Variants in GHRH observed in about 807,000 individuals in gnomAD.
GHRH encodes the protein growth hormone releasing hormone.
GHRH carries 7 observed loss-of-function variants against 15.6 expected under a neutral mutation model. That is an observed-to-expected ratio of 0.45 (90% CI 0.26 to 0.84). The LOEUF (loss-of-function observed/expected upper bound fraction) is 0.84, where lower values mean the gene tolerates loss of function less well. Among genes scored for constraint, GHRH ranks in the 40% least tolerant of loss-of-function variants. The probability of loss-of-function intolerance (pLI) is 0.18; values close to 1 mark genes in which losing one functional copy is unlikely to be tolerated. For synonymous variants in GHRH, 54 were observed against 50.4 expected (o/e 1.07, Z -0.30); for missense variants, 117 against 138.0 (o/e 0.85, Z 0.76).
chr20:37,254,046 G>A (rs982824517), intron 4 of GHRH, among the ~76,000 whole-genome samples, 164 bp downstream of exon 4: 2 of 152,194 alleles, frequency 1.3e-5, no homozygotes, highest in South Asian at 4.1e-4. Context: ...ACCATACCCA[G>A]CCACTCTCCT....
chr20:37,251,349 A>G (rs1056679612), intron 4 of GHRH, 118 bp from the exon 5 acceptor site: 9 of 762,630 alleles, frequency 1.2e-5, no homozygotes, highest in Non-Finnish European at 6.4e-6. Flanking sequence ...TTGGATTCCA[A>G]AAGAGGCAGT....
Position 37,260,803 on chromosome 20 carries a change from C to T in GHRH, c.-20+940G>A, listed in dbSNP as rs571549785. Among the ~76,000 whole-genome samples the T allele has an allele frequency of 4.2e-4, 64 of 152,266 alleles. 2 individuals carry two copies. The South Asian group carries it at 0.013, about 31-fold the overall frequency. ...AGATGTACTTGAGATTGCCTGGATT[C>T]AGGATAAACGGGCACTTGATCTACA... On this transcript the variant is annotated intron_variant, in intron 1 of 4. Coordinates refer to ENST00000373614, the MANE Select transcript of GHRH (RefSeq NM_021081.6).
intron 4 of GHRH, among the ~76,000 whole-genome samples, chr20:37,252,540 G>A (rs965249149): frequency 6.6e-6 from 1 of 152,204 alleles, no homozygotes; most frequent in Non-Finnish European, 1.5e-5. Flanking sequence ...GCCATGGCAG[G>A]TGGATCACCT....
At chr20:37,256,213 GTGGTAGGCA>G (rs1308821094) in intron 3 of GHRH, among the ~76,000 whole-genome samples, 172 bp downstream of exon 3, 1 of 152,198 alleles carries the variant, frequency 6.6e-6, no homozygotes, top group Non-Finnish European at 1.5e-5. Flanking sequence ...GAAGAGACAC[GTGGTAGGCA>G]TGGAGGTAAG....
intron 4 of GHRH, among the ~76,000 whole-genome samples, chr20:37,251,903 G>A (rs1441294179): frequency 6.6e-6 from 1 of 152,234 alleles, no homozygotes; most frequent in Non-Finnish European, 1.5e-5. Flanking sequence ...GGGGAACAAT[G>A]GCTATAGCAG....
intron 4 of GHRH, among the ~76,000 whole-genome samples, chr20:37,253,613 TTGAC>T (rs1440858712): frequency 2.6e-5 from 4 of 152,130 alleles, no homozygotes; most frequent in African/African-American, 7.2e-5. Context: ...GATTGATTGA[TTGAC>T]TGATTGAGAC....
rs2068654070 is a variant in GHRH at position 37,256,078 on chromosome 20, G to A, written c.188+316C>T. Among the ~76,000 whole-genome samples, 2 of 152,190 alleles carry A rather than the reference G, an allele frequency of 1.3e-5. 1 individual carries two copies. The highest frequency in any genetic ancestry group is 4.1e-4 in the South Asian group (2 of 4,832). ...ATAATAGTAGCTGACACTACCAAGG[G>A]CATCTGTGTGCCCAGCACTGTGCCA... On this transcript the variant is annotated intron_variant, in intron 3 of 4. Coordinates refer to ENST00000373614, the MANE Select transcript of GHRH (RefSeq NM_021081.6).
At position 37,258,455 on chromosome 20, in the gene GHRH, T is replaced by A. The variant is rs1479406055; in HGVS notation, c.-19-1547A>T. On this transcript the variant is annotated intron_variant, in intron 1 of 4. Transcript: ENST00000373614. The surrounding 1 kb of genome is among the most constrained non-coding windows in gnomAD (Gnocchi z 4.1). ...TTGCTCTCCCGGCCCTCTCAGGGTA[T>A]CACCCTCCTTTCTGAAGGCACTGAA... Among the ~76,000 whole-genome samples, 1 of 152,172 alleles carries A rather than the reference T, an allele frequency of 6.6e-6. No homozygotes were observed. Among genetic ancestry groups the A allele is most frequent in the Non-Finnish European group, 1.5e-5 (1 of 68,026 alleles).
chr20:37,256,756 A>G (rs1200137958), intron 2 of GHRH, 51 bp downstream of exon 2: 14 of 1,414,090 alleles, frequency 9.9e-6, no homozygotes, highest in Non-Finnish European at 1.4e-5. Flanking sequence ...CGCCTGCCCC[A>G]TGGCAGGGAT....
In GHRH at chr20:37,258,159, A is replaced by T. The variant is rs927709951; in HGVS notation, c.-19-1251T>A. 2.0e-5 allele frequency among the ~76,000 whole-genome samples: 3 copies of T among 152,224 alleles called. No homozygotes were observed. The highest frequency in any genetic ancestry group is 2.9e-5 in the Non-Finnish European group (2 of 68,028). ...CGCTGGGGCAAGTGCCACTGCTGTC[A>T]GCCCAGACCTGCCCAAGCATGGAAA... On this transcript the variant is annotated intron_variant, in intron 1 of 4. Coordinates refer to ENST00000373614, the MANE Select transcript of GHRH (RefSeq NM_021081.6). The surrounding 1 kb of genome is among the most constrained non-coding windows in gnomAD (Gnocchi z 4.1).
chr20:37,255,765 C>G (rs2068652410), intron 3 of GHRH, among the ~76,000 whole-genome samples: 1 of 151,112 alleles, frequency 6.6e-6, no homozygotes, highest in African/African-American at 2.4e-5. Context: ...CAAGGTGGCT[C>G]ACAACTATAA....
At chr20:37,256,283 C>G in intron 3 of GHRH, 111 bp downstream of exon 3, 1 of 619,938 alleles carries the variant, frequency 1.6e-6, no homozygotes, top group Non-Finnish European at 2.8e-6. Flanking sequence ...AGAAATGACA[C>G]TTGCTGTGCC....
Position 37,261,511 on chromosome 20 carries a change from C to A in GHRH, c.-20+232G>T, listed in dbSNP as rs535618796. Among the ~76,000 whole-genome samples the A allele has an allele frequency of 6.6e-5, 10 of 152,332 alleles. No individual in the cohort carries two copies. The South Asian group carries it at 2.1e-3, about 32-fold the overall frequency. ...ACCACCTGCGACAGACACCTGGAGCCAGTCCGCCACGCGCCCAAGTTAAGA... is the reference window on the plus strand; with the variant it reads ...ACCACCTGCGACAGACACCTGGAGCAAGTCCGCCACGCGCCCAAGTTAAGA... On this transcript the variant is annotated intron_variant, in intron 1 of 4. Coordinates refer to ENST00000373614, the MANE Select transcript of GHRH (RefSeq NM_021081.6).
intron 4 of GHRH, among the ~76,000 whole-genome samples, chr20:37,252,020 C>G (rs528440694): frequency 2.0e-5 from 3 of 152,186 alleles, no homozygotes; most frequent in Non-Finnish European, 4.4e-5. Flanking sequence ...AGGATTAGCC[C>G]TCCATGGAGC....
In GHRH at chr20:37,258,226, C is replaced by T. The variant is rs16986529; in HGVS notation, c.-19-1318G>A. The stretch of plus-strand genomic sequence containing the variant: ...GGACTTGGCCACCTAGGAATTGGGT[C>T]CTCCCATCTCCCATGGGTTTCTCCC... On this transcript the variant is annotated intron_variant, in intron 1 of 4. Coordinates refer to ENST00000373614, the MANE Select transcript of GHRH (RefSeq NM_021081.6). The surrounding 1 kb of genome is among the most constrained non-coding windows in gnomAD (Gnocchi z 4.1). 0.012 allele frequency among the ~76,000 whole-genome samples: 1,838 copies of T among 152,330 alleles called. 31 individuals carry two copies. The highest frequency in any genetic ancestry group is 0.042 in the African/African-American group (1,756 of 41,578).
rs1273459002 is a variant in GHRH at position 37,254,273 on chromosome 20, A to T, written c.245T>A (p.Met82Lys). The change falls in exon 4 of 5, where the codon ATG (methionine) becomes AAG (lysine). Residue 82 changes from methionine to lysine, a missense_variant. By Grantham distance (95) the Met-to-Lys change is moderately conservative. Coordinates refer to ENST00000373614, the MANE Select transcript of GHRH (RefSeq NM_021081.6). ...TTCCATTTGCTTTTGTTCTGCCCAC[A>T]TGCTGTCTACCTGACGACCAAGCCG... The part of the protein sequence containing the change: ...RARLGRQVDS[M>K]WAEQKQMELE... 6.2e-7 allele frequency: 1 copy of T among 1,614,032 alleles called. No homozygotes were observed. The highest frequency in any genetic ancestry group is 1.7e-5 in the Admixed American group (1 of 59,996).
At chr20:37,253,179 C>T (rs554414449) in intron 4 of GHRH, among the ~76,000 whole-genome samples, 2 of 152,334 alleles carry the variant, frequency 1.3e-5, no homozygotes, top group Admixed American at 6.5e-5. Flanking sequence ...CATTCCCTGA[C>T]TTGGGGCCAG....
chr20:37,261,423 C>T (rs565290081), intron 1 of GHRH, among the ~76,000 whole-genome samples: 34 of 152,326 alleles, frequency 2.2e-4, no homozygotes, highest in Middle Eastern at 6.8e-3. Flanking sequence ...ACAGGAAAAT[C>T]GAGCCAACTC....
At chr20:37,256,954 G>A in intron 1 of GHRH, 46 bp from the exon 2 acceptor site, 1 of 1,206,464 alleles carries the variant, frequency 8.3e-7, no homozygotes. Flanking sequence ...CACAGCCATT[G>A]GGATGGCCTT....
Sources: gnomAD v4.1 joint callset for allele counts (sites outside exome capture counted in the v4.1 genomes callset) on GRCh38, gnomAD v4.1.1 for gene constraint, Gnocchi (gnomAD v3.1) non-coding constraint, MANE v1.5 for transcripts, NCBI Gene and HGNC (gene_info 2026-07-23, HGNC 2026-07-21) for gene names.